The following CRYZL1 variants were observed in gnomAD, a reference collection of about 807,000 sequenced individuals.
CRYZL1 encodes the protein ferry endosomal RAB5 effector complex subunit 4.
Under a neutral mutation model 50.6 loss-of-function variants are expected in CRYZL1, and 34 were observed. The observed-to-expected ratio is 0.67, with a 90% CI of 0.51 to 0.89. CRYZL1 has a LOEUF of 0.89. Among genes scored for constraint, CRYZL1 ranks in the 40% least tolerant of loss-of-function variants. CRYZL1 has a pLI of 0.00. For missense variants in CRYZL1, 354 were observed against 402.3 expected, an observed-to-expected ratio of 0.88 and a Z score of 1.03; for synonymous variants, 125 against 134.3, an observed-to-expected ratio of 0.93 and a Z score of 0.48.
chr21:33,640,830 G>A (rs1247995528), intron 1 of CRYZL1, among the ~76,000 whole-genome samples: 3 of 152,108 alleles, frequency 2.0e-5, no homozygotes, highest in Admixed American at 1.3e-4. Flanking sequence ...AGATTTTGAA[G>A]ATTTAATTTT....
chr21:33,591,590 T>C (rs2086643188), intron 11 of CRYZL1: 1 of 213,704 alleles, frequency 4.7e-6, no homozygotes, highest in African/African-American at 2.3e-5. Context: ...TTACTTTAGA[T>C]GTACATTCGT....
chr21:33,624,867 C>A (rs2087042671), intron 2 of CRYZL1, 107 bp from the exon 3 acceptor site: 6 of 1,381,328 alleles, frequency 4.3e-6, no homozygotes, highest in Middle Eastern at 2.7e-4. Context: ...ATTAGACAGA[C>A]CCTAAATCTC....
At chr21:33,594,926 A>G in intron 11 of CRYZL1, 1 of 157,862 alleles carries the variant, frequency 6.3e-6, no homozygotes, top group Non-Finnish European at 1.4e-5. Flanking sequence ...TATGATATTC[A>G]GTAGAGAGAA....
intron 3 of CRYZL1, 138 bp downstream of exon 3, chr21:33,624,545 G>A (rs369128866): frequency 3.9e-5 from 53 of 1,374,696 alleles, no homozygotes; most frequent in African/African-American, 2.6e-4. Context: ...GTGAAACTCC[G>A]TCTCAAATAA....
Position 33,613,600 on chromosome 21 carries a change from A to G in CRYZL1, c.269T>C (p.Leu90Ser). ...TCCAGGGTCTTCAGAGTCCAGGGGC[A>G]AAATTCCTAAAAATCAAAACAAGAA... Reference protein sequence around the residue: ...FQPDDEVVGILPLDSEDPGLC... With the variant: ...FQPDDEVVGISPLDSEDPGLC... The change falls in exon 6 of 13, where the codon TTG becomes TCG. Residue 90 changes from leucine to serine, a missense_variant. Leu to Ser is a moderately radical substitution (Grantham distance 145, BLOSUM62 -2). Transcript: ENST00000381554. 1 of 1,610,266 alleles carries G rather than the reference A, an allele frequency of 6.2e-7. No homozygotes were observed.
intron 8 of CRYZL1, among the ~76,000 whole-genome samples, chr21:33,600,160 T>A (rs2086736348): frequency 6.6e-6 from 1 of 152,236 alleles, no homozygotes; most frequent in Non-Finnish European, 1.5e-5. Flanking sequence ...ATATGGTAAT[T>A]ATCTACTAGA....
chr21:33,628,955 C>T (rs960413663), intron 2 of CRYZL1, among the ~76,000 whole-genome samples: 9 of 151,778 alleles, frequency 5.9e-5, no homozygotes, highest in African/African-American at 2.2e-4. Flanking sequence ...CTCGGCCAGG[C>T]GCGGTGGCTC....
intron 5 of CRYZL1, among the ~76,000 whole-genome samples, chr21:33,615,621 C>G (rs1440777625): frequency 6.6e-6 from 1 of 152,112 alleles, no homozygotes; most frequent in Non-Finnish European, 1.5e-5. Context: ...GTTTGTGTGA[C>G]TGTCTAGGAC....
intron 6 of CRYZL1, among the ~76,000 whole-genome samples, chr21:33,612,512 C>T (rs1345891861): frequency 1.3e-5 from 2 of 152,206 alleles, no homozygotes; most frequent in African/African-American, 2.4e-5. Context: ...TGGTCTCAAA[C>T]TCCTGACCTC....
At chr21:33,595,484 C>T (rs576732260) in intron 11 of CRYZL1, 22 of 1,325,346 alleles carry the variant, frequency 1.7e-5, no homozygotes, top group Middle Eastern at 2.0e-4. Context: ...CCACTTGCTG[C>T]GTCCTTGAGT....
intron 1 of CRYZL1, chr21:33,640,323 TAAGGGAAATTAGTGATAA>T (rs1190057766): frequency 7.5e-7 from 1 of 1,327,020 alleles, no homozygotes; most frequent in Admixed American, 2.4e-5. Context: ...GAGGCATCGA[TAAGGGAAATTAGTGATAA>T]AAGGTAGTAA....
At chr21:33,597,127 C>A (rs1411313579) in intron 10 of CRYZL1, among the ~76,000 whole-genome samples, 153 bp downstream of exon 10, 1 of 152,150 alleles carries the variant, frequency 6.6e-6, no homozygotes, top group East Asian at 1.9e-4. Flanking sequence ...GCCGCGGCCT[C>A]CCATAGTGCT....
intron 1 of CRYZL1, among the ~76,000 whole-genome samples, chr21:33,638,610 A>G (rs897600901): frequency 3.3e-5 from 5 of 152,194 alleles, no homozygotes; most frequent in African/African-American, 4.8e-5. Context: ...TATTCAAAGG[A>G]CACTTTGCAC....
chr21:33,613,608 T>C lies in CRYZL1; in HGVS notation c.263-2A>G, dbSNP rs756655311. On this transcript the variant is annotated splice_acceptor_variant, in intron 5 of 12. Coordinates refer to ENST00000381554, the MANE Select transcript of CRYZL1 (RefSeq NM_145858.3). LOFTEE classifies it high-confidence loss of function. ...CTTCAGAGTCCAGGGGCAAAATTCC[T>C]AAAAATCAAAACAAGAAATTAAAGG... 5.0e-6 allele frequency: 8 copies of C among 1,608,788 alleles called. No homozygotes were observed. Among genetic ancestry groups the C allele is most frequent in the Non-Finnish European group, 5.1e-6 (6 of 1,175,438 alleles).
At chr21:33,603,618 A>G in intron 6 of CRYZL1, 81 bp from the exon 7 acceptor site, 2 of 1,521,888 alleles carry the variant, frequency 1.3e-6, no homozygotes, top group South Asian at 1.2e-5. Flanking sequence ...CTCCATCTCT[A>G]GTACTACTAT....
intron 1 of CRYZL1, among the ~76,000 whole-genome samples, chr21:33,638,673 C>T (rs2087240457): frequency 6.6e-6 from 1 of 152,218 alleles, no homozygotes; most frequent in African/African-American, 2.4e-5. Flanking sequence ...AACTGCAGTG[C>T]TCTTTTGTGC....
chr21:33,617,334 A>C (rs924024802), intron 4 of CRYZL1, among the ~76,000 whole-genome samples: 1 of 152,132 alleles, frequency 6.6e-6, no homozygotes, highest in African/African-American at 2.4e-5. Context: ...GCTGACTTTA[A>C]GGAAGAAGGA....
intron 6 of CRYZL1, among the ~76,000 whole-genome samples, chr21:33,604,356 A>C (rs1406992675): frequency 4.5e-4 from 1 of 2,238 alleles, no homozygotes; most frequent in Non-Finnish European, 1.2e-3. Context: ...ACTCCGTCTC[A>C]AAAAAAAAAA....
rs1448140679 is a variant in CRYZL1 at position 33,591,031 on chromosome 21, C to T, written c.950+131G>A. ...ATGGCAAAAACCACAATTATGTTTG[C>T]ACCAACCTAATAATAAAATATGGAG... On this transcript the variant is annotated intron_variant, in intron 12 of 12. Transcript: ENST00000381554. The T allele has an allele frequency of 8.4e-6, 6 of 711,026 alleles. No individual in the cohort carries two copies. The East Asian group carries it at 1.3e-4, about 15-fold the overall frequency. 44.0% of individuals were successfully genotyped at this position (711,026 alleles called of 1,614,324 possible). A position where few individuals can be genotyped will look rare whatever the true frequency, so the allele number is the denominator to read the frequency against.
Sources: allele counts gnomAD v4.1 joint callset (sites outside exome capture counted in the v4.1 genomes callset), GRCh38; gene constraint gnomAD v4.1.1; transcripts MANE v1.5; gene names NCBI Gene and HGNC (gene_info 2026-07-23, HGNC 2026-07-21).